Variants in DLGAP2 observed in about 807,000 individuals in gnomAD.
The protein encoded by DLGAP2 is disks large-associated protein 2.
Under a neutral mutation model 100.3 loss-of-function variants are expected in DLGAP2, and 26 were observed. The observed-to-expected ratio is 0.26, with a 90% CI of 0.19 to 0.36. The LOEUF is 0.36. DLGAP2 is among the 10% of genes least tolerant of loss of function. The probability of loss-of-function intolerance (pLI) is 1.00; values close to 1 mark genes in which losing one functional copy is unlikely to be tolerated. For synonymous variants in DLGAP2, 886 were observed against 630.1 expected, an observed-to-expected ratio of 1.41 and a Z score of -6.08; for missense variants, 1,858 against 1,453.2, an observed-to-expected ratio of 1.28 and a Z score of -4.53.
intron 6 of DLGAP2, among the ~76,000 whole-genome samples, chr8:1,572,192 G>A (rs1190077089): frequency 1.5e-5 from 2 of 134,338 alleles, no homozygotes; most frequent in Non-Finnish European, 3.2e-5. Flanking sequence ...GAGATGGAGA[G>A]GAGAGAGGGT....
Position 1,603,884 on chromosome 8 carries a change from T to A in DLGAP2, c.1443-22856T>A, listed in dbSNP as rs148096181. ...CAATATTTGACCACTTAATATTTGG[T>A]GAGATTCCATGCAAATTACTAAACT... On this transcript the variant is annotated intron_variant, in intron 6 of 14. Transcript: ENST00000637795. Among the ~76,000 whole-genome samples, 998 of 152,208 alleles carry A rather than the reference T, an allele frequency of 6.6e-3. 9 individuals carry two copies. The highest frequency in any genetic ancestry group is 0.023 in the African/African-American group (939 of 41,508).
chr8:1,308,879 G>A (rs1297330015), intron 3 of DLGAP2, among the ~76,000 whole-genome samples: 1 of 151,852 alleles, frequency 6.6e-6, no homozygotes, highest in East Asian at 1.9e-4. Flanking sequence ...AAAGAACACT[G>A]GGAAACAATG....
intron 1 of DLGAP2, among the ~76,000 whole-genome samples, chr8:797,676 G>C (rs1001979880): frequency 3.3e-5 from 5 of 152,190 alleles, no homozygotes; most frequent in African/African-American, 1.2e-4. Flanking sequence ...CCACCAGGCA[G>C]GGCTGGGAGC....
intron 3 of DLGAP2, among the ~76,000 whole-genome samples, chr8:1,322,440 G>A (rs565187622): frequency 2.3e-4 from 35 of 150,702 alleles, no homozygotes; most frequent in African/African-American, 6.6e-4. Flanking sequence ...GTGACTTCAC[G>A]CGTGTGGATC....
At chr8:1,046,239 G>C (rs555862365) in intron 2 of DLGAP2, among the ~76,000 whole-genome samples, 1 of 152,170 alleles carries the variant, frequency 6.6e-6, no homozygotes, top group Non-Finnish European at 1.5e-5. Flanking sequence ...AATGCAATCT[G>C]TAATTTGGCA....
At chr8:955,793 A>G (rs958278689) in intron 2 of DLGAP2, among the ~76,000 whole-genome samples, 7 of 152,188 alleles carry the variant, frequency 4.6e-5, no homozygotes, top group Admixed American at 4.6e-4. Context: ...TATTCCCAAT[A>G]TCTTACCTTG....
chr8:1,199,833 A>G, intron 2 of DLGAP2, among the ~76,000 whole-genome samples: 1 of 151,706 alleles, frequency 6.6e-6, no homozygotes, highest in East Asian at 2.0e-4. Flanking sequence ...GGGAAAAAAA[A>G]TAACTCTTAG....
At chr8:1,544,987 G>A (rs370552402) in intron 4 of DLGAP2, among the ~76,000 whole-genome samples, 3 of 152,114 alleles carry the variant, frequency 2.0e-5, no homozygotes, top group African/African-American at 4.8e-5. Context: ...CATCTCAGCC[G>A]CCCAAAGTGC....
intron 2 of DLGAP2, among the ~76,000 whole-genome samples, chr8:1,225,074 C>G (rs1241011899): frequency 2.5e-4 from 38 of 152,196 alleles, no homozygotes. Flanking sequence ...AAAAGAATGC[C>G]ATCCTGCCTG....
intron 1 of DLGAP2, among the ~76,000 whole-genome samples, chr8:906,296 C>T (rs1017296783): frequency 6.6e-6 from 1 of 152,226 alleles, no homozygotes; most frequent in Non-Finnish European, 1.5e-5. Context: ...AAGGATGTGG[C>T]GGAGCCTCCC....
chr8:1,597,736 T>C (rs1796504090), intron 6 of DLGAP2, among the ~76,000 whole-genome samples: 1 of 152,238 alleles, frequency 6.6e-6, no homozygotes, highest in Non-Finnish European at 1.5e-5. Context: ...GAGACTTTGC[T>C]AAAGTTGCTT....
intron 3 of DLGAP2, among the ~76,000 whole-genome samples, chr8:1,261,929 G>A (rs1023249687): frequency 2.0e-5 from 3 of 152,112 alleles, no homozygotes; most frequent in Admixed American, 6.5e-5. Flanking sequence ...CAGCGTGTGC[G>A]GCTCGGATGT....
At chr8:866,356 G>C (rs1057140199) in intron 1 of DLGAP2, among the ~76,000 whole-genome samples, 2 of 152,240 alleles carry the variant, frequency 1.3e-5, no homozygotes, top group African/African-American at 4.8e-5. Context: ...TTGGAAGTCA[G>C]TGCCAGGCGG....
intron 3 of DLGAP2, among the ~76,000 whole-genome samples, chr8:1,284,109 A>G (rs1370150248): frequency 1.3e-5 from 2 of 152,226 alleles, no homozygotes; most frequent in Non-Finnish European, 2.9e-5. Flanking sequence ...TTAGAGCAGC[A>G]GGAAAGTGAG....
intron 2 of DLGAP2, among the ~76,000 whole-genome samples, chr8:1,038,787 A>G (rs889545736): frequency 6.6e-6 from 1 of 152,248 alleles, no homozygotes; most frequent in East Asian, 1.9e-4. Context: ...GTATGTATGT[A>G]TAACTACGAC....
intron 5 of DLGAP2, among the ~76,000 whole-genome samples, chr8:1,554,766 C>T (rs748580693): frequency 3.3e-5 from 5 of 151,906 alleles, no homozygotes; most frequent in Non-Finnish European, 7.4e-5. Context: ...ACCCACGCGC[C>T]CCAGCCCCCC....
At chr8:916,391 G>T (rs57107628) in intron 2 of DLGAP2, among the ~76,000 whole-genome samples, 3 of 152,168 alleles carry the variant, frequency 2.0e-5, no homozygotes, top group African/African-American at 7.2e-5. Context: ...CGTGGATGAA[G>T]CTGGAAACCA....
intron 2 of DLGAP2, among the ~76,000 whole-genome samples, chr8:921,163 T>G (rs926844054): frequency 3.9e-5 from 6 of 152,170 alleles, no homozygotes; most frequent in African/African-American, 1.4e-4. Context: ...TTTTCTTCCT[T>G]TTTTGTTTAT....
At chr8:1,683,387 C>T (rs978228149) in intron 12 of DLGAP2, among the ~76,000 whole-genome samples, 6 of 151,448 alleles carry the variant, frequency 4.0e-5, no homozygotes, top group African/African-American at 1.5e-4. Context: ...GGAAGATCTT[C>T]ATGTCAGCAC....
Sources: gnomAD v4.1 joint callset for allele counts (sites outside exome capture counted in the v4.1 genomes callset) on GRCh38, gnomAD v4.1.1 for gene constraint, MANE v1.5 for transcripts, NCBI Gene and HGNC (gene_info 2026-07-23, HGNC 2026-07-21) for gene names.